Variants in NBN observed in about 807,000 individuals in gnomAD.
The protein encoded by NBN is nibrin.
In NBN, 88 loss-of-function variants were observed where a neutral mutation model predicts 90.8. The ratio of observed to expected loss-of-function variants is 0.97; its 90% confidence interval spans 0.82 to 1.16. The LOEUF is 1.16. Ranked by LOEUF, NBN falls within the 50% of genes most tolerant of loss-of-function variation. The pLI, the probability that NBN is intolerant of heterozygous loss-of-function variation, is 0.00. For synonymous variants in NBN, 328 were observed against 295.1 expected (o/e 1.11, Z -1.14); for missense variants, 894 against 869.6 (o/e 1.03, Z -0.35).
At chr8:89,944,633 A>T (rs941851190) in intron 13 of NBN, among the ~76,000 whole-genome samples, 3 of 152,130 alleles carry the variant, frequency 2.0e-5, no homozygotes, top group African/African-American at 7.2e-5. Flanking sequence ...GGCCCGGCAC[A>T]GTGGTGTAAT....
intron 11 of NBN, among the ~76,000 whole-genome samples, chr8:89,950,617 G>T (rs73306427): frequency 0.013 from 2,040 of 152,162 alleles, 40 homozygotes; most frequent in African/African-American, 0.046. Context: ...TTTTCATTTA[G>T]AATGTCATGA....
intron 8 of NBN, 146 bp downstream of exon 8, chr8:89,964,264 G>T: frequency 1.1e-6 from 1 of 879,014 alleles, no homozygotes; most frequent in Non-Finnish European, 1.8e-6. Context: ...AATATTTATG[G>T]AATGAATAAA....
chr8:89,981,591 T>C, intron 2 of NBN, 68 bp from the exon 3 acceptor site: 1 of 1,570,870 alleles, frequency 6.4e-7, no homozygotes, highest in Non-Finnish European at 8.7e-7. Context: ...AGAAAAAGTT[T>C]TCAAAAGAAA....
chr8:89,958,462 C>T lies in NBN; in HGVS notation c.1124+263G>A, dbSNP rs139684583. On this transcript the variant is annotated intron_variant, in intron 9 of 15. Coordinates refer to ENST00000265433, the MANE Select transcript of NBN (RefSeq NM_002485.5). ...TTGTCTCTTGACAATGACTACATAT[C>T]GTCTATGGCCACTTTCATGCTACAG... Among the ~76,000 whole-genome samples, 116 of 152,268 alleles carry T rather than the reference C, an allele frequency of 7.6e-4. 1 individual carries two copies. The highest frequency in any genetic ancestry group is 1.3e-3 in the Admixed American group (20 of 15,302).
At position 89,963,900 on chromosome 8, in the gene NBN, C is replaced by T. The variant is rs185544666; in HGVS notation, c.994+510G>A. 2.6e-5 allele frequency among the ~76,000 whole-genome samples: 4 copies of T among 152,314 alleles called. No individual in the cohort carries two copies. The East Asian group carries it at 7.7e-4, about 29-fold the overall frequency. ...AGCATTCTATTCACATCTCCTCTTA[C>T]ACTGTCGACCCTTAGAATTCTCCAC... On this transcript the variant is annotated intron_variant, in intron 8 of 15. Transcript: ENST00000265433.
At position 89,984,590 on chromosome 8, in the gene NBN, C is replaced by G; in HGVS notation, c.-29G>C. 6.2e-7 allele frequency: 1 copy of G among 1,611,822 alleles called. No homozygotes were observed. Reference sequence around the variant, plus strand: ...TCCGGCTCCTCAGGGCTGGGGCCGACGTGCAACCGCGTAACCGGGGCTGCT... The same window carrying G: ...TCCGGCTCCTCAGGGCTGGGGCCGAGGTGCAACCGCGTAACCGGGGCTGCT... On this transcript the variant is annotated 5_prime_UTR_variant, in exon 1 of 16. Transcript: ENST00000265433.
At chr8:89,959,783 G>A (rs1365827362) in intron 8 of NBN, among the ~76,000 whole-genome samples, 1 of 152,184 alleles carries the variant, frequency 6.6e-6, no homozygotes, top group Non-Finnish European at 1.5e-5. Flanking sequence ...ATTCACTTAT[G>A]ACTAGCTGAG....
intron 11 of NBN, among the ~76,000 whole-genome samples, chr8:89,949,875 A>C (rs1362147395): frequency 6.6e-6 from 1 of 152,192 alleles, no homozygotes; most frequent in Non-Finnish European, 1.5e-5. Flanking sequence ...TTAAGCACCA[A>C]TTCCTTTAAT....
At chr8:89,978,381 A>G in intron 4 of NBN, 58 bp from the exon 5 acceptor site, 1 of 1,437,310 alleles carries the variant, frequency 7.0e-7, no homozygotes, top group Non-Finnish European at 9.7e-7. Context: ...TTTTAAAGAA[A>G]AGTTTTAAGT....
intron 7 of NBN, among the ~76,000 whole-genome samples, chr8:89,966,818 C>A (rs193066510): frequency 6.6e-6 from 1 of 151,958 alleles, no homozygotes; most frequent in Non-Finnish European, 1.5e-5. Flanking sequence ...GGTATTGGTA[C>A]AAAGAAAGGC....
chr8:89,944,533 C>G (rs1810101392), intron 13 of NBN, among the ~76,000 whole-genome samples: 1 of 152,140 alleles, frequency 6.6e-6, no homozygotes, highest in Admixed American at 6.5e-5. Context: ...TTCTAATAAA[C>G]TTTCCTTTTC....
chr8:89,960,657 A>C (rs531519596), intron 8 of NBN, among the ~76,000 whole-genome samples: 18 of 152,130 alleles, frequency 1.2e-4, no homozygotes, highest in Non-Finnish European at 2.1e-4. Context: ...TGAAATAATA[A>C]TAATAATAAT....
intron 7 of NBN, among the ~76,000 whole-genome samples, chr8:89,968,582 C>T (rs562798697): frequency 6.6e-6 from 1 of 152,180 alleles, no homozygotes; most frequent in Admixed American, 6.5e-5. Flanking sequence ...CCAGAACCTG[C>T]TATGTAGGAT....
chr8:89,954,440 A>G (rs1338923379), intron 10 of NBN, among the ~76,000 whole-genome samples: 1 of 151,898 alleles, frequency 6.6e-6, no homozygotes, highest in African/African-American at 2.4e-5. Context: ...ATGGAAATGG[A>G]GGGATTGACA....
At chr8:89,958,675 T>G (rs1212973597) in intron 9 of NBN, 50 bp downstream of exon 9, 2 of 1,584,174 alleles carry the variant, frequency 1.3e-6, no homozygotes, top group African/African-American at 1.3e-5. Context: ...AATATACTAT[T>G]AATTTATTGA....
At chr8:89,977,680 C>T (rs1811830732) in intron 5 of NBN, among the ~76,000 whole-genome samples, 1 of 152,174 alleles carries the variant, frequency 6.6e-6, no homozygotes, top group Non-Finnish European at 1.5e-5. Context: ...AACTAATTTA[C>T]ACCCCCACCA....
At position 89,935,493 on chromosome 8, in the gene NBN, T is replaced by A; in HGVS notation, c.*89A>T. ...ATAAAACATTGTAACTTAAATCGCT[T>A]CTATACACTATATATTCATATAACC... On this transcript the variant is annotated 3_prime_UTR_variant, in exon 16 of 16. Transcript: ENST00000265433. The A allele has an allele frequency of 1.3e-6, 2 of 1,504,178 alleles. No individual in the cohort carries two copies. The highest frequency in any genetic ancestry group is 1.8e-6 in the Non-Finnish European group (2 of 1,086,130). 93.2% of individuals were successfully genotyped at this position (1,504,178 alleles called of 1,614,324 possible).
At chr8:89,953,114 CCAA>C in intron 11 of NBN, 127 bp downstream of exon 11, 2 of 685,826 alleles carry the variant, frequency 2.9e-6, no homozygotes, top group Non-Finnish European at 2.5e-6. Context: ...ACCTTATCAA[CCAA>C]CAAATTTCTA....
At chr8:89,978,597 G>A (rs1811888070) in intron 4 of NBN, among the ~76,000 whole-genome samples, 1 of 151,990 alleles carries the variant, frequency 6.6e-6, no homozygotes, top group Non-Finnish European at 1.5e-5. Context: ...TTTTTGGAAA[G>A]GGTGGAACAA....
Sources: allele counts gnomAD v4.1 joint callset (sites outside exome capture counted in the v4.1 genomes callset), GRCh38; gene constraint gnomAD v4.1.1; transcripts MANE v1.5; gene names NCBI Gene and HGNC (gene_info 2026-07-23, HGNC 2026-07-21).